The following PTK2 variants were observed in gnomAD, a reference collection of about 807,000 sequenced individuals.
PTK2 encodes protein tyrosine kinase 2, also known as focal adhesion kinase 1.
A neutral mutation model predicts 150.1 loss-of-function variants in PTK2; 45 were observed. That is an observed-to-expected ratio of 0.30 (90% CI 0.24 to 0.38). The LOEUF is 0.38. Among genes scored for constraint, PTK2 ranks in the 10% least tolerant of loss-of-function variants. PTK2 has a pLI of 1.00. For synonymous variants in PTK2, 432 were observed against 449.2 expected (o/e 0.96, Z 0.48); for missense variants, 919 against 1,307.3 (o/e 0.70, Z 4.58).
intron 19 of PTK2, among the ~76,000 whole-genome samples, chr8:140,743,841 G>A (rs1162202175): frequency 2.0e-5 from 3 of 150,410 alleles, no homozygotes; most frequent in African/African-American, 7.3e-5. Context: ...GCAGTGGCAC[G>A]ATCTCGGCTT....
rs956008128 is a variant in PTK2 at position 140,737,670 on chromosome 8, T to A, written c.1825+1348A>T. On this transcript the variant is annotated intron_variant, in intron 21 of 31. Transcript: ENST00000522684. ...ATTAACAAAACAAACTCTACTTGAG[T>A]GGAAAGCAAGGACAACTACATTAAA... Among the ~76,000 whole-genome samples, 8 of 152,156 alleles carry A rather than the reference T, an allele frequency of 5.3e-5. No individual in the cohort carries two copies. In the South Asian group the frequency reaches 1.7e-3, roughly 32 times the overall value.
intron 5 of PTK2, among the ~76,000 whole-genome samples, chr8:140,850,788 T>A (rs544864839): frequency 6.6e-6 from 1 of 152,156 alleles, no homozygotes; most frequent in Non-Finnish European, 1.5e-5. Context: ...TGTGCAAGTA[T>A]TGTATTTGTA....
At chr8:140,964,547 ATTT>A (rs1025644210) in intron 1 of PTK2, among the ~76,000 whole-genome samples, 1,021 of 76,846 alleles carry the variant, frequency 0.013, 21 homozygotes, top group African/African-American at 0.057. Flanking sequence ...GCCCCAGGTA[ATTT>A]TTTTTTTTTT....
intron 26 of PTK2, among the ~76,000 whole-genome samples, chr8:140,694,197 C>T (rs866396323): frequency 7.2e-5 from 11 of 152,088 alleles, no homozygotes; most frequent in African/African-American, 1.2e-4. Flanking sequence ...CCTGCCACTA[C>T]GCCCAGCTAA....
chr8:140,999,998 A>G (rs187179595), intron 1 of PTK2, among the ~76,000 whole-genome samples: 2 of 148,770 alleles, frequency 1.3e-5, no homozygotes, highest in East Asian at 3.9e-4. Flanking sequence ...AGAATGAGAC[A>G]CTGTTGAAAT....
At chr8:140,978,097 C>CA (rs1486885976) in intron 1 of PTK2, among the ~76,000 whole-genome samples, 1 of 152,170 alleles carries the variant, frequency 6.6e-6, no homozygotes, top group Admixed American at 6.5e-5. Flanking sequence ...ACACCTTATA[C>CA]AAAAATTAAC....
At chr8:140,782,331 A>G (rs1223717292) in intron 14 of PTK2, among the ~76,000 whole-genome samples, 1 of 150,536 alleles carries the variant, frequency 6.6e-6, no homozygotes, top group African/African-American at 2.5e-5. Flanking sequence ...TGCAACCTCC[A>G]AATCCCAGGG....
chr8:140,837,483 C>A (rs572955379), intron 7 of PTK2, among the ~76,000 whole-genome samples: 1 of 152,092 alleles, frequency 6.6e-6, no homozygotes, highest in Non-Finnish European at 1.5e-5. Context: ...AATCCCAGCA[C>A]TTTGGGAGGC....
At position 140,743,077 on chromosome 8, in the gene PTK2, C is replaced by T. The variant is rs28595012; in HGVS notation, c.1735+153G>A. Among the ~76,000 whole-genome samples, 1,486 of 152,344 alleles carry T rather than the reference C, an allele frequency of 9.8e-3. 21 individuals carry two copies. The highest frequency in any genetic ancestry group is 0.034 in the African/African-American group (1,423 of 41,584). On this transcript the variant is annotated intron_variant, in intron 20 of 31. Coordinates refer to ENST00000522684, the Ensembl canonical transcript of PTK2. ...TTTTTTGCCTAAGGATGTCCAACTG[C>T]TCCAGCACCATTGCTGAGAAGGCTG...
At chr8:140,876,301 T>C (rs2100145476) in intron 4 of PTK2, among the ~76,000 whole-genome samples, 1 of 152,194 alleles carries the variant, frequency 6.6e-6, no homozygotes, top group African/African-American at 2.4e-5. Flanking sequence ...GAAAATGTCT[T>C]TATCTCACCC....
chr8:140,927,975 A>AAAAAAAAAAAAAAAAAAAAAAT, intron 1 of PTK2, among the ~76,000 whole-genome samples: 1 of 48,196 alleles, frequency 2.1e-5, no homozygotes, highest in African/African-American at 9.8e-5. Context: ...AAAAAAAAAA[A>AAAAAAAAAAAAAAAAAAAAAAT]ATATATATAT....
At chr8:140,733,544 A>G (rs2100050773) in intron 22 of PTK2, among the ~76,000 whole-genome samples, 1 of 152,166 alleles carries the variant, frequency 6.6e-6, no homozygotes, top group South Asian at 2.1e-4. Context: ...TCAGAGAGGA[A>G]CAATGCCAAG....
chr8:140,723,260 T>C (rs961624773), intron 22 of PTK2, among the ~76,000 whole-genome samples: 1 of 152,234 alleles, frequency 6.6e-6, no homozygotes, highest in African/African-American at 2.4e-5. Context: ...TTGCATATTA[T>C]AGACACTTTG....
intron 16 of PTK2, among the ~76,000 whole-genome samples, chr8:140,758,718 T>C (rs1164727998): frequency 6.6e-6 from 1 of 152,228 alleles, no homozygotes; most frequent in African/African-American, 2.4e-5. Flanking sequence ...CTAAGGTTAA[T>C]TTAGTATTAA....
At chr8:140,838,519 T>C (rs891222615) in intron 7 of PTK2, among the ~76,000 whole-genome samples, 15 of 152,174 alleles carry the variant, frequency 9.9e-5, no homozygotes, top group African/African-American at 3.4e-4. Context: ...ACCAGGTTAA[T>C]AGTTACATTT....
intron 2 of PTK2, chr8:140,920,721 T>C (rs757901618): frequency 5.1e-6 from 6 of 1,185,782 alleles, no homozygotes; most frequent in Non-Finnish European, 6.6e-6. Flanking sequence ...ACTGTAAATA[T>C]ATTGAAATAA....
At chr8:140,685,342 T>C (rs1352934768) in intron 27 of PTK2, among the ~76,000 whole-genome samples, 2 of 152,128 alleles carry the variant, frequency 1.3e-5, no homozygotes, top group Non-Finnish European at 2.9e-5. Flanking sequence ...TTGCAAAGAT[T>C]TCATGACGAG....
chr8:140,953,904 C>A (rs1297977771), intron 1 of PTK2, among the ~76,000 whole-genome samples: 2 of 152,068 alleles, frequency 1.3e-5, no homozygotes, highest in Non-Finnish European at 2.9e-5. Context: ...ATTACCACAC[C>A]TGACAATTTT....
At chr8:140,980,665 G>A (rs763373763) in intron 1 of PTK2, among the ~76,000 whole-genome samples, 14 of 151,136 alleles carry the variant, frequency 9.3e-5, no homozygotes, top group Non-Finnish European at 1.8e-4. Context: ...GACAAAACAC[G>A]AAGAAATGGC....
Sources: gnomAD v4.1 joint callset for allele counts (sites outside exome capture counted in the v4.1 genomes callset) on GRCh38, gnomAD v4.1.1 for gene constraint, MANE v1.5 for transcripts, NCBI Gene and HGNC (gene_info 2026-07-23, HGNC 2026-07-21) for gene names.